The following CHST11 variants were observed in gnomAD, a reference collection of about 807,000 sequenced individuals.
CHST11 encodes the protein carbohydrate sulfotransferase 11.
A neutral mutation model predicts 30.4 loss-of-function variants in CHST11; 9 were observed. The observed-to-expected ratio is 0.30, with a 90% CI of 0.18 to 0.52. CHST11 has a LOEUF of 0.52. CHST11 is among the 20% of genes least tolerant of loss of function. The pLI is 0.97. For synonymous variants in CHST11, 152 were observed against 187.8 expected (o/e 0.81, Z 1.56); for missense variants, 348 against 460.6 (o/e 0.76, Z 2.24).
Position 104,676,634 on chromosome 12 carries a change from C to T in CHST11, c.204+74643C>T, listed in dbSNP as rs551596993. The stretch of plus-strand genomic sequence containing the variant: ...TTCCCCATGTTGGCCAGGATGGTCT[C>T]GATCTCCTGACCTTGTGATCGGCCT... On this transcript the variant is annotated intron_variant, in intron 2 of 2. Coordinates refer to ENST00000303694, the MANE Select transcript of CHST11 (RefSeq NM_018413.6). This position sits in a 1 kb window ranked among gnomAD's most constrained non-coding sequence, Gnocchi z 4.4. 1.7e-3 allele frequency among the ~76,000 whole-genome samples: 257 copies of T among 152,320 alleles called. No homozygotes were observed. The highest frequency in any genetic ancestry group is 4.6e-3 in the African/African-American group (191 of 41,566).
intron 2 of CHST11, among the ~76,000 whole-genome samples, chr12:104,616,549 T>C (rs2039110078): frequency 1.3e-5 from 2 of 151,162 alleles, no homozygotes; most frequent in Non-Finnish European, 2.9e-5. Context: ...CACTGCAACC[T>C]CTGCCTCCCG....
At chr12:104,608,587 A>G (rs1366419190) in intron 2 of CHST11, among the ~76,000 whole-genome samples, 1 of 152,092 alleles carries the variant, frequency 6.6e-6, no homozygotes. Context: ...TTTCTAATAA[A>G]TCTGCCTTTC....
At chr12:104,564,761 AAT>A (rs756794206) in intron 1 of CHST11, among the ~76,000 whole-genome samples, 40 of 152,334 alleles carry the variant, frequency 2.6e-4, no homozygotes, top group Non-Finnish European at 4.7e-4. Context: ...GAGACTGGGT[AAT>A]TGATAAAGAA....
At chr12:104,577,040 G>T (rs932365543) in intron 1 of CHST11, among the ~76,000 whole-genome samples, 1 of 151,928 alleles carries the variant, frequency 6.6e-6, no homozygotes, top group South Asian at 2.1e-4. Context: ...CTCCAGAGGG[G>T]TGGAAATGAC....
chr12:104,459,467 C>T (rs1368873726), intron 1 of CHST11, among the ~76,000 whole-genome samples: 1 of 152,222 alleles, frequency 6.6e-6, no homozygotes, highest in Non-Finnish European at 1.5e-5. Flanking sequence ...GCCCAGAACA[C>T]GGATGAGTGT....
chr12:104,471,328 T>TGGTA (rs1271178122), intron 1 of CHST11, among the ~76,000 whole-genome samples: 1 of 152,240 alleles, frequency 6.6e-6, no homozygotes, highest in Non-Finnish European at 1.5e-5. Flanking sequence ...AATACACTGA[T>TGGTA]GGTAATTGGT....
rs796356338 is a variant in CHST11 at position 104,462,167 on chromosome 12, C to CA, written c.118+4656dup. Among the ~76,000 whole-genome samples the CA allele has an allele frequency of 9.9e-3, 646 of 65,368 alleles. 7 individuals carry two copies. Among genetic ancestry groups the CA allele is most frequent in the Middle Eastern group, 0.039 (5 of 128 alleles). The allele number at this position is 65,368 out of a possible 152,430, so 42.9% of individuals were successfully genotyped here. A position where few individuals can be genotyped will look rare whatever the true frequency, so the allele number is the denominator to read the frequency against. On this transcript the variant is annotated intron_variant, in intron 1 of 2. Coordinates refer to ENST00000303694, the MANE Select transcript of CHST11 (RefSeq NM_018413.6). ...GGGCAACAAGAGTTAAACACCATCT[C>CA]AAAAAAAAAAAAAAAAAAGAAAAAG...
At chr12:104,756,532 G>GGTGTGTGTGTGTGTGTGTGTGTGTGT (rs113577198) in intron 2 of CHST11, among the ~76,000 whole-genome samples, 52 of 143,394 alleles carry the variant, frequency 3.6e-4, no homozygotes, top group Non-Finnish European at 3.8e-4. Flanking sequence ...ATCCATGTGG[G>GGTGTGTGTGTGTGTGTGTGTGTGTGT]GTGTGTGTGT....
At chr12:104,635,624 C>A (rs2039316427) in intron 2 of CHST11, among the ~76,000 whole-genome samples, 1 of 152,346 alleles carries the variant, frequency 6.6e-6, no homozygotes, top group African/African-American at 2.4e-5. Flanking sequence ...AGCCTTAGGA[C>A]ATGTCTGTAG....
intron 1 of CHST11, among the ~76,000 whole-genome samples, chr12:104,559,746 A>AAAAAT (rs2038494575): frequency 6.6e-6 from 1 of 152,090 alleles, no homozygotes; most frequent in African/African-American, 2.4e-5. Flanking sequence ...TCCATCTCAA[A>AAAAAT]AAAATAAAAT....
chr12:104,593,809 G>A (rs10861245), intron 1 of CHST11, among the ~76,000 whole-genome samples: 42,888 of 152,016 alleles, frequency 0.28, 6,204 homozygotes, highest in African/African-American at 0.34. Context: ...AGACAGTAAT[G>A]AAGGCTCATG....
intron 1 of CHST11, among the ~76,000 whole-genome samples, chr12:104,554,206 C>T (rs2038432854): frequency 6.6e-6 from 1 of 152,220 alleles, no homozygotes; most frequent in African/African-American, 2.4e-5. Flanking sequence ...GGGGAAGGGG[C>T]ATTACACAGG....
At chr12:104,699,888 G>C (rs990688361) in intron 2 of CHST11, among the ~76,000 whole-genome samples, 4 of 152,106 alleles carry the variant, frequency 2.6e-5, no homozygotes, top group Admixed American at 6.5e-5. Flanking sequence ...CACCTCCTGG[G>C]AGCCCTCGAT....
chr12:104,642,423 C>T (rs1346253715), intron 2 of CHST11, among the ~76,000 whole-genome samples: 1 of 152,098 alleles, frequency 6.6e-6, no homozygotes, highest in African/African-American at 2.4e-5. Context: ...AATTTTGAGA[C>T]AAGGTCTTGC....
intron 2 of CHST11, among the ~76,000 whole-genome samples, chr12:104,647,642 G>C (rs1566022016): frequency 6.6e-6 from 1 of 152,078 alleles, no homozygotes; most frequent in East Asian, 1.9e-4. Context: ...TTTTACCTCT[G>C]TGTGATATTT....
At chr12:104,480,205 C>T (rs2037606389) in intron 1 of CHST11, among the ~76,000 whole-genome samples, 1 of 152,218 alleles carries the variant, frequency 6.6e-6, no homozygotes, top group East Asian at 1.9e-4. Flanking sequence ...TCCCCGCCCC[C>T]CCCTCCAAAT....
chr12:104,584,771 T>C (rs540180383), intron 1 of CHST11, among the ~76,000 whole-genome samples: 1 of 152,230 alleles, frequency 6.6e-6, no homozygotes, highest in Non-Finnish European at 1.5e-5. Flanking sequence ...TAAATGATAG[T>C]TCATATCCTA....
chr12:104,625,454 A>C (rs1033371781), intron 2 of CHST11, among the ~76,000 whole-genome samples: 1 of 152,096 alleles, frequency 6.6e-6, no homozygotes, highest in Non-Finnish European at 1.5e-5. Flanking sequence ...ACATGTGCCC[A>C]CCACCATGCC....
intron 1 of CHST11, among the ~76,000 whole-genome samples, chr12:104,509,348 A>G (rs918395808): frequency 2.4e-4 from 36 of 152,128 alleles, no homozygotes; most frequent in Admixed American, 2.3e-3. Flanking sequence ...TCTTTTGTAA[A>G]TTGCCCAGTC....
Sources: gnomAD v4.1 joint callset for allele counts (sites outside exome capture counted in the v4.1 genomes callset) on GRCh38, gnomAD v4.1.1 for gene constraint, Gnocchi (gnomAD v3.1) non-coding constraint, MANE v1.5 for transcripts, NCBI Gene and HGNC (gene_info 2026-07-23, HGNC 2026-07-21) for gene names.